The following CDK9 variants were observed in gnomAD, a reference collection of about 807,000 sequenced individuals.
CDK9 encodes the protein cyclin dependent kinase 9.
In CDK9, 34 loss-of-function variants were observed where a neutral mutation model predicts 39.0. The ratio of observed to expected loss-of-function variants is 0.87; its 90% CI spans 0.66 to 1.16. The LOEUF (loss-of-function observed/expected upper bound fraction) is 1.16. Among genes scored for constraint, CDK9 ranks in the 50% most tolerant of loss-of-function variants. CDK9 has a pLI of 0.00. For missense variants in CDK9, 369 were observed against 503.2 expected (o/e 0.73, Z 2.55); for synonymous variants, 233 against 196.2 (o/e 1.19, Z -1.57).
Position 127,788,674 on chromosome 9 carries a change from C to T in CDK9, c.735C>T (p.Cys245=), listed in dbSNP as rs377243893. The change falls in exon 6 of 7, where the codon TGC becomes TGT. Residue 245 remains cysteine, a synonymous_variant. Transcript: ENST00000373264. ...AACTCGCCCTCATCAGTCAGCTCTGCGGCTCCATCACCCCTGAGGTACGGG... is the reference window on the plus strand; with the variant it reads ...AACTCGCCCTCATCAGTCAGCTCTGTGGCTCCATCACCCCTGAGGTACGGG... ...QHQLALISQL[C]GSITPEVWPN... is the part of the protein sequence containing the mutation. The T allele has an allele frequency of 1.2e-5, 20 of 1,606,882 alleles. No homozygotes were observed. The highest frequency in any genetic ancestry group is 4.0e-5 in the African/African-American group (3 of 74,712).
At position 127,788,220 on chromosome 9, in the gene CDK9, C is replaced by T. The variant is rs771187222; in HGVS notation, c.439C>T (p.His147Tyr). Residue 147 changes from histidine to tyrosine, a missense_variant, in exon 5 of 7, where the codon CAT becomes TAT. Coordinates refer to ENST00000373264, the MANE Select transcript of CDK9 (RefSeq NM_001261.4). The stretch of plus-strand genomic sequence containing the variant: ...ACTCTTGCCCTTCCTGCAGATCCTG[C>T]ATAGGGACATGAAGGCTGCTAATGT... ...LYYIHRNKIL[H>Y]RDMKAANVLI... 1 of 1,613,974 alleles carries T rather than the reference C, an allele frequency of 6.2e-7. No homozygotes were observed. The highest frequency in any genetic ancestry group is 8.5e-7 in the Non-Finnish European group (1 of 1,180,014).
rs772377103 is a variant in CDK9 at position 127,788,049 on chromosome 9, T to G, written c.368T>G (p.Leu123Arg). 55 of 1,614,142 alleles carry G rather than the reference T, an allele frequency of 3.4e-5. No homozygotes were observed. The highest frequency in any genetic ancestry group is 4.7e-5 in the Non-Finnish European group (55 of 1,180,060). Residue 123 changes from leucine (L) to arginine (R), a missense_variant, in exon 4 of 7, where the codon CTG (leucine) becomes CGG (arginine). By Grantham distance (102) the Leu-to-Arg change is moderately radical. Transcript: ENST00000373264. ...AGCAATGTTTTGGTCAAGTTCACGC[T>G]GTCTGAGATCAAGAGGGTGATGCAG... ...LLSNVLVKFT[L>R]SEIKRVMQML... is the part of the protein sequence containing the mutation.
chr9:127,788,181 TC>T, intron 4 of CDK9, 32 bp from the exon 5 acceptor site: 4 of 1,613,272 alleles, frequency 2.5e-6, no homozygotes, highest in Non-Finnish European at 3.4e-6. Flanking sequence ...CGGGTGGATG[TC>T]ACTAAAGGAC....
rs776977894 is a variant in CDK9, at chr9:127,789,521, C to T, written c.1097C>T (p.Thr366Met). The part of the protein sequence containing the change: ...QSRNPATTNQ[T>M]EFERVF The stretch of plus-strand genomic sequence containing the variant: ...CGCAATCCCGCCACCACCAACCAGA[C>T]GGAGTTTGAGCGCGTCTTCTGAGGG... Residue 366 changes from threonine (T) to methionine (M), a missense_variant, in exon 7 of 7, where the codon ACG becomes ATG. Physicochemically the swap from Thr to Met is moderately conservative, Grantham distance 81. Coordinates refer to ENST00000373264, the MANE Select transcript of CDK9 (RefSeq NM_001261.4). The surrounding 1 kb of genome is among the most constrained non-coding windows in gnomAD (Gnocchi z 5.2). 4.3e-6 allele frequency: 7 copies of T among 1,613,894 alleles called. No individual in the cohort carries two copies. In the East Asian group the frequency reaches 6.7e-5, roughly 15 times the overall value.
rs139206714 is a variant in CDK9 at position 127,786,779 on chromosome 9, G to A, written c.171G>A (p.Glu57=). The A allele has an allele frequency of 1.2e-4, 195 of 1,613,722 alleles. No homozygotes were observed. Among genetic ancestry groups the A allele is most frequent in the Middle Eastern group, 8.2e-4 (5 of 6,084 alleles). Residue 57 remains glutamate, a synonymous_variant, in exon 2 of 7, where the codon GAG becomes GAA. Transcript: ENST00000373264. ...LKKVLMENEK[E]GFPITALREI... ...AGGTGCTGATGGAAAACGAGAAGGA[G>A]GGGGTGAGTACGGATCGGGCGTGCG...
chr9:127,787,514 C>T lies in CDK9; in HGVS notation c.175-4C>T. On this transcript the variant is annotated splice_region_variant and splice_polypyrimidine_tract_variant and intron_variant, in intron 2 of 6. Coordinates refer to ENST00000373264, the MANE Select transcript of CDK9 (RefSeq NM_001261.4). The stretch of plus-strand genomic sequence containing the variant: ...TTGACCACTTTCCCCTCTTTCTCAC[C>T]CAGTTCCCCATTACAGCCTTGCGGG... 1 of 1,607,850 alleles carries T rather than the reference C, an allele frequency of 6.2e-7. No individual in the cohort carries two copies. Among genetic ancestry groups the T allele is most frequent in the Non-Finnish European group, 8.5e-7 (1 of 1,174,406 alleles).
At position 127,789,550 on chromosome 9, in the gene CDK9, G is replaced by A. The variant is rs201025809; in HGVS notation, c.*7G>A. ...GTTTGAGCGCGTCTTCTGAGGGCCGGCGCTTGCCACTAGGGCTCTTGTGTT... is the reference window on the plus strand; with the variant it reads ...GTTTGAGCGCGTCTTCTGAGGGCCGACGCTTGCCACTAGGGCTCTTGTGTT... On this transcript the variant is annotated 3_prime_UTR_variant, in exon 7 of 7. Transcript: ENST00000373264. The surrounding 1 kb of genome is among the most constrained non-coding windows in gnomAD (Gnocchi z 5.2). 660 of 1,611,904 alleles carry A rather than the reference G, an allele frequency of 4.1e-4. 1 individual carries two copies. Among genetic ancestry groups the A allele is most frequent in the Non-Finnish European group, 5.1e-4 (601 of 1,178,738 alleles).
chr9:127,788,864 C>T (rs530352853), intron 6 of CDK9, among the ~76,000 whole-genome samples, 172 bp downstream of exon 6: 2 of 152,232 alleles, frequency 1.3e-5, no homozygotes, highest in Admixed American at 6.5e-5. Flanking sequence ...ACAGGCTGTG[C>T]GCCAGTCTCG....
chr9:127,788,725 A>G, intron 6 of CDK9, 33 bp downstream of exon 6: 5 of 1,546,356 alleles, frequency 3.2e-6, no homozygotes, highest in Non-Finnish European at 4.4e-6. Context: ...GGGTGCAGAG[A>G]TCGAGGTCCC....
chr9:127,786,549 C>A, intron 1 of CDK9, 152 bp from the exon 2 acceptor site: 1 of 668,390 alleles, frequency 1.5e-6, no homozygotes, highest in Non-Finnish European at 2.6e-6. Flanking sequence ...ACGAGACAGG[C>A]TGCCGGGTGG....
Position 127,786,229 on chromosome 9 carries a change from A to C in CDK9, c.81A>C (p.Gln27His). Residue 27 changes from glutamine to histidine, a missense_variant, in exon 1 of 7, where the codon CAA (glutamine) becomes CAC (histidine). By Grantham distance (24) the Gln-to-His change is conservative (BLOSUM62 0). Transcript: ENST00000373264. ...ACGAGAAGCTCGCCAAGATCGGCCA[A>C]GGCACCTTCGGGTAAGGCTGGGCCC... ...SKYEKLAKIG[Q>H]GTFGEVFKAR... is the part of the protein sequence containing the mutation. 1 of 1,608,434 alleles carries C rather than the reference A, an allele frequency of 6.2e-7. No individual in the cohort carries two copies. The highest frequency in any genetic ancestry group is 8.5e-7 in the Non-Finnish European group (1 of 1,177,936).
rs1263635222 is a variant in CDK9, at chr9:127,788,327, C to T, written c.546C>T (p.Pro182=). 2 of 1,613,168 alleles carry T rather than the reference C, an allele frequency of 1.2e-6. No homozygotes were observed. The highest frequency in any genetic ancestry group is 1.3e-5 in the African/African-American group (1 of 75,072). Residue 182 remains proline, a synonymous_variant, in exon 5 of 7, where the codon CCC becomes CCT. Transcript: ENST00000373264. ...TCAGCCTGGCCAAGAACAGCCAGCCCAACCGCTACACCAACCGTGTGGTGA... is the reference window on the plus strand; with the variant it reads ...TCAGCCTGGCCAAGAACAGCCAGCCTAACCGCTACACCAACCGTGTGGTGA... ...RAFSLAKNSQ[P]NRYTNRVVTL... is the part of the protein sequence containing the mutation.
chr9:127,788,535 T>C lies in CDK9; in HGVS notation c.605-9T>C, dbSNP rs1829371659. ...TCAAGGGGCCCTCCTGGTGCGCTCTTCTTCCCAGGGGAGCGGGACTACGGC... is the reference window on the plus strand; with the variant it reads ...TCAAGGGGCCCTCCTGGTGCGCTCTCCTTCCCAGGGGAGCGGGACTACGGC... On this transcript the variant is annotated splice_polypyrimidine_tract_variant and intron_variant, in intron 5 of 6. Transcript: ENST00000373264. 1 of 1,555,670 alleles carries C rather than the reference T, an allele frequency of 6.4e-7. No individual in the cohort carries two copies. The highest frequency in any genetic ancestry group is 8.7e-7 in the Non-Finnish European group (1 of 1,149,536).
rs147693126 is a variant in CDK9, at chr9:127,788,008, C to T, written c.327C>T (p.Asp109=). 381 of 1,614,072 alleles carry T rather than the reference C, an allele frequency of 2.4e-4. No individual in the cohort carries two copies. The highest frequency in any genetic ancestry group is 3.0e-4 in the Non-Finnish European group (357 of 1,180,034). The stretch of plus-strand genomic sequence containing the variant: ...TGGTGTTCGACTTCTGCGAGCATGA[C>T]CTTGCTGGGCTGTTGAGCAATGTTT... ...IYLVFDFCEH[D]LAGLLSNVLV... The change falls in exon 4 of 7, where the codon GAC becomes GAT. Residue 109 remains aspartate (D), a synonymous_variant. Coordinates refer to ENST00000373264, the MANE Select transcript of CDK9 (RefSeq NM_001261.4).
rs749282983 is a variant in CDK9 at position 127,789,573 on chromosome 9, G to GT, written c.*38dup. 32 of 1,598,694 alleles carry GT rather than the reference G, an allele frequency of 2.0e-5. No individual in the cohort carries two copies. Among genetic ancestry groups the GT allele is most frequent in the African/African-American group, 4.0e-5 (3 of 74,382 alleles). On this transcript the variant is annotated 3_prime_UTR_variant, in exon 7 of 7. Coordinates refer to ENST00000373264, the MANE Select transcript of CDK9 (RefSeq NM_001261.4). The surrounding 1 kb of genome is among the most constrained non-coding windows in gnomAD (Gnocchi z 5.2). ...CGGCGCTTGCCACTAGGGCTCTTGTGTTTTTTTTCTTCTGCTATGTGACTT... is the reference window on the plus strand; with the variant it reads ...CGGCGCTTGCCACTAGGGCTCTTGTGTTTTTTTTTCTTCTGCTATGTGACTT...
In CDK9 at chr9:127,789,445, C is replaced by G; in HGVS notation, c.1021C>G (p.Pro341Ala). The G allele has an allele frequency of 6.2e-7, 1 of 1,614,118 alleles. No individual in the cohort carries two copies. The highest frequency in any genetic ancestry group is 2.2e-5 in the East Asian group (1 of 44,888). The change falls in exon 7 of 7, where the codon CCA becomes GCA. Residue 341 changes from proline (P) to alanine (A), a missense_variant. Transcript: ENST00000373264. The surrounding 1 kb of genome is among the most constrained non-coding windows in gnomAD (Gnocchi z 5.2). ...GACGTCCATGTTCGAGTACTTGGCA[C>G]CACCGCGCCGGAAGGGCAGCCAGAT... is the stretch of plus-strand genomic sequence containing the variant. ...HLTSMFEYLAPPRRKGSQITQ... is the reference protein window; with the variant it reads ...HLTSMFEYLAAPRRKGSQITQ...
At position 127,789,267 on chromosome 9, in the gene CDK9, C is replaced by T. The variant is rs572065012; in HGVS notation, c.843C>T (p.Ala281=). The T allele has an allele frequency of 6.2e-7, 1 of 1,613,866 alleles. No individual in the cohort carries two copies. Among genetic ancestry groups the T allele is most frequent in the African/African-American group, 1.3e-5 (1 of 75,042 alleles). ...QKRKVKDRLK[A]YVRDPYALDL... is the part of the protein sequence containing the mutation. ...GGAAGGTGAAGGACAGGCTGAAGGC[C>T]TATGTGCGTGACCCATACGCACTGG... The change falls in exon 7 of 7, where the codon GCC becomes GCT. Residue 281 remains alanine, a synonymous_variant. Transcript: ENST00000373264. This position sits in a 1 kb window ranked among gnomAD's most constrained non-coding sequence, Gnocchi z 5.2.
rs1829393365 is a variant in CDK9, at chr9:127,789,627, A to C, written c.*84A>C. The C allele has an allele frequency of 1.3e-6, 2 of 1,500,474 alleles. No homozygotes were observed. Among genetic ancestry groups the C allele is most frequent in the Non-Finnish European group, 1.8e-6 (2 of 1,114,080 alleles). The allele number at this position is 1,500,474 out of a possible 1,614,324, so 92.9% of individuals were successfully genotyped here. A position where few individuals can be genotyped will look rare whatever the true frequency, so the allele number is the denominator to read the frequency against. On this transcript the variant is annotated 3_prime_UTR_variant, in exon 7 of 7. Transcript: ENST00000373264. This position sits in a 1 kb window ranked among gnomAD's most constrained non-coding sequence, Gnocchi z 5.2. ...TCGTGGAGACAGGGCATTTGAGTTT[A>C]TATCTCTCATGCATATTTTATTTAA...
rs1829405590 is a variant in CDK9 at position 127,790,286 on chromosome 9, T to TA, written c.*743_*744insA. ...TGTCTGTTTTTCCTCTTGGGTGCCT[T>TA]CCAGAACGCATCTCATGTCCCTGGT... On this transcript the variant is annotated 3_prime_UTR_variant, in exon 7 of 7. Transcript: ENST00000373264. The TA allele has an allele frequency of 6.6e-6, 1 of 152,264 alleles. No homozygotes were observed. The highest frequency in any genetic ancestry group is 6.5e-5 in the Admixed American group (1 of 15,276). 9.4% of individuals were successfully genotyped at this position (152,264 alleles called of 1,614,324 possible).
Sources: allele counts gnomAD v4.1 joint callset (sites outside exome capture counted in the v4.1 genomes callset), GRCh38; gene constraint gnomAD v4.1.1; non-coding constraint Gnocchi (gnomAD v3.1); transcripts MANE v1.5; gene names NCBI Gene and HGNC (gene_info 2026-07-23, HGNC 2026-07-21).